Variants in PNISR observed in about 807,000 individuals in gnomAD.
PNISR encodes the protein arginine/serine-rich protein PNISR.
Under a neutral mutation model 93.4 loss-of-function variants are expected in PNISR, and 20 were observed. The ratio of observed to expected loss-of-function variants is 0.21; its 90% CI spans 0.15 to 0.31. The LOEUF is 0.31. Among genes scored for constraint, PNISR ranks in the 10% least tolerant of loss-of-function variants. The pLI is 1.00. For missense variants in PNISR, 893 were observed against 985.4 expected, an observed-to-expected ratio of 0.91 and a Z score of 1.25; for synonymous variants, 305 against 306.5, an observed-to-expected ratio of 0.99 and a Z score of 0.05.
rs1775483937 is a variant in PNISR, at chr6:99,401,418, T to C, written c.1540A>G (p.Ser514Gly). ...KQGRSRSGSS[S>G]SGSSSSNSRT... Reference sequence around the variant, plus strand: ...CTATTGCTACTGGAACTACCACTACTAGAACTTCCCGACCTACTCCTTCCT... The same window carrying C: ...CTATTGCTACTGGAACTACCACTACCAGAACTTCCCGACCTACTCCTTCCT... Residue 514 changes from serine to glycine, a missense_variant, in exon 12 of 12, where the codon AGT becomes GGT. Ser to Gly is a moderately conservative substitution (Grantham distance 56, BLOSUM62 0). Around this residue, in one of 3 missense-constraint regions of PNISR, gnomAD observed 866 missense variants for 935.1 expected, o/e 0.93. Transcript: ENST00000369239. 4 of 1,607,538 alleles carry C rather than the reference T, an allele frequency of 2.5e-6. No individual in the cohort carries two copies. Among genetic ancestry groups the C allele is most frequent in the Non-Finnish European group, 1.7e-6 (2 of 1,174,836 alleles).
At chr6:99,403,653 T>C (rs1334793956) in intron 10 of PNISR, 176 bp downstream of exon 10, 6 of 445,210 alleles carry the variant, frequency 1.3e-5, no homozygotes, top group Non-Finnish European at 2.4e-5. Flanking sequence ...TTTCTCACTG[T>C]GAATGCGTTA....
intron 1 of PNISR, among the ~76,000 whole-genome samples, chr6:99,420,178 G>A (rs772632759): frequency 3.7e-4 from 57 of 152,050 alleles, no homozygotes; most frequent in Non-Finnish European, 6.6e-4. Flanking sequence ...TATCGCTCCC[G>A]GCCCATAACT....
chr6:99,421,655 T>C (rs1230702191), intron 1 of PNISR, among the ~76,000 whole-genome samples: 1 of 152,164 alleles, frequency 6.6e-6, no homozygotes, highest in Non-Finnish European at 1.5e-5. Context: ...GAGCATGCCC[T>C]ACCAAAACCT....
At chr6:99,416,516 T>C in intron 1 of PNISR, 88 bp from the exon 2 acceptor site, 1 of 425,724 alleles carries the variant, frequency 2.3e-6, no homozygotes, top group Non-Finnish European at 4.0e-6. Flanking sequence ...AGTGTGATCA[T>C]CTCCAAGTTA....
At position 99,401,162 on chromosome 6, in the gene PNISR, C is replaced by T; in HGVS notation, c.1796G>A (p.Arg599Lys). Residue 599 changes from arginine (R) to lysine (K), a missense_variant, in exon 12 of 12, where the codon AGA (arginine) becomes AAA (lysine). By Grantham distance (26) the Arg-to-Lys change is conservative. Coordinates refer to ENST00000369239, the MANE Select transcript of PNISR (RefSeq NM_032870.4). ...VKIRDRRRSNRNSIERERRRN... is the reference protein window; with the variant it reads ...VKIRDRRRSNKNSIERERRRN... ...TCGTCTTTCTCTTTCAATGCTATTT[C>T]TATTAGATCTCCTTCTATCTCTAAT... The T allele has an allele frequency of 6.2e-7, 1 of 1,614,044 alleles. No homozygotes were observed. The highest frequency in any genetic ancestry group is 8.5e-7 in the Non-Finnish European group (1 of 1,179,942).
intron 11 of PNISR, among the ~76,000 whole-genome samples, chr6:99,402,139 T>C (rs1316655813): frequency 1.3e-5 from 2 of 152,220 alleles, no homozygotes; most frequent in Non-Finnish European, 2.9e-5. Flanking sequence ...CCTTAGATTT[T>C]TCAAAGAAGA....
At position 99,414,607 on chromosome 6, in the gene PNISR, T is replaced by G. The variant is rs1204089833; in HGVS notation, c.53A>C (p.Gln18Pro). 1 of 1,606,672 alleles carries G rather than the reference T, an allele frequency of 6.2e-7. No homozygotes were observed. The highest frequency in any genetic ancestry group is 1.1e-5 in the South Asian group (1 of 90,798). The change falls in exon 3 of 12, where the codon CAA (glutamine) becomes CCA (proline). Residue 18 changes from glutamine to proline, a missense_variant. Gln to Pro is a moderately conservative substitution (Grantham distance 76, BLOSUM62 -1). Transcript: ENST00000369239. ...PWQQWPLNQQ[Q>P]WMQSFQHQQD... ...TTGGTGCTGGAATGACTGCATCCAT[T>G]GTTGCTGGTTCAAGGGCCACTGCTG...
chr6:99,406,773 G>A (rs547553353), intron 7 of PNISR, among the ~76,000 whole-genome samples: 7 of 152,234 alleles, frequency 4.6e-5, no homozygotes, highest in African/African-American at 1.4e-4. Context: ...TATGGTTTTA[G>A]GTTTCAGGAT....
chr6:99,419,516 AAT>A (rs1778261646), intron 1 of PNISR, among the ~76,000 whole-genome samples: 1 of 152,194 alleles, frequency 6.6e-6, no homozygotes, highest in Non-Finnish European at 1.5e-5. Context: ...ACAAAATTTT[AAT>A]ATAAGTCCAA....
At chr6:99,423,731 T>A (rs1318752842) in intron 1 of PNISR, among the ~76,000 whole-genome samples, 1 of 152,206 alleles carries the variant, frequency 6.6e-6, no homozygotes, top group Non-Finnish European at 1.5e-5. Context: ...AATGTCAAGG[T>A]CACTGTATTA....
chr6:99,412,744 C>G lies in PNISR; in HGVS notation c.89-5G>C. The G allele has an allele frequency of 6.5e-7, 1 of 1,546,262 alleles. No homozygotes were observed. The highest frequency in any genetic ancestry group is 1.3e-5 in the South Asian group (1 of 79,644). On this transcript the variant is annotated splice_region_variant and splice_polypyrimidine_tract_variant and intron_variant, in intron 3 of 11. Transcript: ENST00000369239. The stretch of plus-strand genomic sequence containing the variant: ...ATGCAGCCCAATCAATCTGGCCTAA[C>G]GTAAATTAACACTGACTTCAGCATT...
chr6:99,412,086 C>T (rs1309767570), intron 4 of PNISR: 2 of 311,756 alleles, frequency 6.4e-6, no homozygotes, highest in African/African-American at 4.4e-5. Flanking sequence ...AAGATCTTCA[C>T]TATCTGAAAA....
Position 99,401,724 on chromosome 6 carries a change from C to A in PNISR, c.1328-94G>T, listed in dbSNP as rs984712806. On this transcript the variant is annotated intron_variant, in intron 11 of 11. Transcript: ENST00000369239. The stretch of plus-strand genomic sequence containing the variant: ...GCTACCAGACTGTAACAATAGAACA[C>A]CATTTTCAATAGAATTACGATGCAA... The A allele has an allele frequency of 1.2e-5, 11 of 935,086 alleles. No homozygotes were observed. The African/African-American group carries it at 1.5e-4, about 13-fold the overall frequency. 57.9% of individuals were successfully genotyped at this position (935,086 alleles called of 1,614,324 possible). A position where few individuals can be genotyped will look rare whatever the true frequency, so the allele number is the denominator to read the frequency against.
At chr6:99,405,693 T>C (rs1482242268) in intron 8 of PNISR, among the ~76,000 whole-genome samples, 2 of 151,904 alleles carry the variant, frequency 1.3e-5, no homozygotes, top group Admixed American at 6.6e-5. Flanking sequence ...ACTTCCTGAG[T>C]TGCTGGGACT....
intron 4 of PNISR, 182 bp downstream of exon 4, chr6:99,412,369 C>T: frequency 1.4e-6 from 1 of 694,792 alleles, no homozygotes; most frequent in Non-Finnish European, 2.6e-6. Context: ...ACAAAGCTAG[C>T]AGAATGAGTA....
intron 8 of PNISR, 22 bp from the exon 9 acceptor site, chr6:99,404,724 A>C (rs1436469369): frequency 8.5e-7 from 1 of 1,170,650 alleles, no homozygotes; most frequent in Non-Finnish European, 1.3e-6. Flanking sequence ...CATTTTATAC[A>C]GTATTTCTAA....
chr6:99,407,826 A>G (rs1032847374), intron 7 of PNISR, among the ~76,000 whole-genome samples: 7 of 152,234 alleles, frequency 4.6e-5, no homozygotes, highest in Non-Finnish European at 8.8e-5. Flanking sequence ...CTGTACCACA[A>G]TGAATGAATA....
At position 99,400,968 on chromosome 6, in the gene PNISR, CTT is replaced by C. The variant is rs1775407928; in HGVS notation, c.1988_1989del (p.Gln663ArgfsTer12). ...CTTCGACTCCTCTCCTTTTTCCTCT[CTT>C]GTTCTTTAGCCTCACCTTTATGCTT... Reference protein sequence around the residue: ...SHKHKGEAKEQERKKERSRSI... With the variant: ...SHKHKGEAKEXERKKERSRSI... On this transcript the variant is annotated frameshift_variant, in exon 12 of 12. Transcript: ENST00000369239. LOFTEE classifies it high-confidence loss of function. 2 of 1,608,806 alleles carry C rather than the reference CTT, an allele frequency of 1.2e-6. No individual in the cohort carries two copies. Among genetic ancestry groups the C allele is most frequent in the Non-Finnish European group, 1.7e-6 (2 of 1,175,628 alleles).
intron 4 of PNISR, among the ~76,000 whole-genome samples, chr6:99,411,374 T>A (rs1776886418): frequency 6.6e-6 from 1 of 152,146 alleles, no homozygotes; most frequent in Non-Finnish European, 1.5e-5. Flanking sequence ...GGTATTATTT[T>A]TGCCAATTTC....
Sources: allele counts gnomAD v4.1 joint callset (sites outside exome capture counted in the v4.1 genomes callset), GRCh38; gene constraint gnomAD v4.1.1; regional missense constraint gnomAD v4.1.1; transcripts MANE v1.5; gene names NCBI Gene and HGNC (gene_info 2026-07-23, HGNC 2026-07-21).